GNG7: variants seen among roughly 807,000 people sequenced by gnomAD.
The protein encoded by GNG7 is G protein subunit gamma 7.
Under a neutral mutation model 4.0 loss-of-function variants are expected in GNG7, and 1 was observed. The ratio of observed to expected loss-of-function variants is 0.25; its 90% CI spans 0.09 to 1.18. GNG7 has a LOEUF of 1.18. Among genes scored for constraint, GNG7 ranks in the 50% most tolerant of loss-of-function variants. The pLI, the probability that GNG7 is intolerant of heterozygous loss-of-function variation, is 0.50. For synonymous variants in GNG7, 34 were observed against 36.9 expected (o/e 0.92, Z 0.29); for missense variants, 86 against 91.9 (o/e 0.94, Z 0.26).
At chr19:2,556,259 C>T (rs1979539937) in intron 2 of GNG7, among the ~76,000 whole-genome samples, 1 of 152,228 alleles carries the variant, frequency 6.6e-6, no homozygotes, top group African/African-American at 2.4e-5. Flanking sequence ...ACTGTCAGCT[C>T]TAGGGGAGGC....
At chr19:2,632,249 G>A (rs1439907576) in intron 2 of GNG7, 2 of 152,084 alleles carry the variant, frequency 1.3e-5, no homozygotes, top group African/African-American at 4.8e-5. Context: ...GACCAACATG[G>A]TGAAACCCGT....
chr19:2,657,361 A>AATATATATATAT (rs869231931), intron 1 of GNG7, among the ~76,000 whole-genome samples: 30 of 16,050 alleles, frequency 1.9e-3, no homozygotes, highest in South Asian at 5.5e-3. Flanking sequence ...AAAAAAAAAA[A>AATATATATATAT]ATATATATAT....
At chr19:2,528,928 C>G (rs1272414052) in intron 3 of GNG7, among the ~76,000 whole-genome samples, 2 of 152,234 alleles carry the variant, frequency 1.3e-5, no homozygotes, top group East Asian at 3.8e-4. Flanking sequence ...GCTGGAAAGA[C>G]AAGGTGGCTG....
chr19:2,562,802 A>G (rs921811621), intron 2 of GNG7, among the ~76,000 whole-genome samples: 2 of 152,118 alleles, frequency 1.3e-5, no homozygotes, highest in South Asian at 2.1e-4. Context: ...GGCTGCACAC[A>G]TTGAAATCCA....
chr19:2,685,952 T>C (rs1416533637), intron 1 of GNG7, among the ~76,000 whole-genome samples: 3 of 152,172 alleles, frequency 2.0e-5, no homozygotes, highest in African/African-American at 7.2e-5. Flanking sequence ...AGCTCTCCTG[T>C]CCCGGCCCAG....
In GNG7 at chr19:2,520,634, T is replaced by G; in HGVS notation, c.55A>C (p.Ile19Leu). 1.3e-6 allele frequency: 2 copies of G among 1,552,074 alleles called. No individual in the cohort carries two copies. Among genetic ancestry groups the G allele is most frequent in the South Asian group, 2.4e-5 (2 of 84,386 alleles). Residue 19 changes from isoleucine to leucine, a missense_variant, in exon 4 of 5, where the codon ATA becomes CTA. Physicochemically the swap from Ile to Leu is conservative, Grantham distance 5. Transcript: ENST00000382159. ...QARKLVEQLR[I>L]EAGIERIKVS... ...TTGATGCGCTCAATCCCGGCTTCTA[T>G]GCGTAGCTGTTCCACCAGCTTCCGG...
At chr19:2,656,731 T>A (rs1199090081) in intron 1 of GNG7, among the ~76,000 whole-genome samples, 1 of 152,100 alleles carries the variant, frequency 6.6e-6, no homozygotes, top group Non-Finnish European at 1.5e-5. Flanking sequence ...TTACATATCA[T>A]CCATGGCTGC....
chr19:2,661,270 A>AAAGAAAGGAAGGAAGGAAGGAAGG (rs1568277669), intron 1 of GNG7, among the ~76,000 whole-genome samples: 2 of 70,928 alleles, frequency 2.8e-5, no homozygotes, highest in Non-Finnish European at 5.2e-5. Context: ...AGAAAGAAAG[A>AAAGAAAGGAAGGAAGGAAGGAAGG]AAAGAAAGAA....
intron 2 of GNG7, among the ~76,000 whole-genome samples, chr19:2,616,595 G>A (rs1285350971): frequency 2.6e-5 from 4 of 152,018 alleles, no homozygotes; most frequent in African/African-American, 9.7e-5. Context: ...TGACCAACAG[G>A]GAGAAACCCC....
intron 3 of GNG7, chr19:2,538,191 G>T (rs921857636): frequency 8.8e-6 from 4 of 456,584 alleles, no homozygotes; most frequent in African/African-American, 6.0e-5. Flanking sequence ...TGACGATGAT[G>T]ACTTTATTGT....
intron 2 of GNG7, among the ~76,000 whole-genome samples, chr19:2,628,491 CTCTT>C (rs1226700119): frequency 3.3e-5 from 5 of 151,816 alleles, no homozygotes; most frequent in Admixed American, 2.6e-4. Context: ...TTCCCTTTCT[CTCTT>C]TCTTTCAACT....
intron 2 of GNG7, among the ~76,000 whole-genome samples, chr19:2,625,564 C>T (rs1037200834): frequency 1.3e-5 from 2 of 152,000 alleles, no homozygotes; most frequent in Non-Finnish European, 2.9e-5. Flanking sequence ...AAGCAGAGAA[C>T]CAAGGTTCTG....
chr19:2,690,140 G>C (rs983116520), intron 1 of GNG7, among the ~76,000 whole-genome samples: 2 of 152,024 alleles, frequency 1.3e-5, no homozygotes, highest in African/African-American at 2.4e-5. Flanking sequence ...CCAGCACTTT[G>C]GGAGGCCGAA....
At chr19:2,654,699 A>G (rs1982919125) in intron 1 of GNG7, among the ~76,000 whole-genome samples, 1 of 90,070 alleles carries the variant, frequency 1.1e-5, no homozygotes, top group Non-Finnish European at 2.5e-5. Flanking sequence ...TGTCTGCCCC[A>G]TTGGGAGCTT....
intron 1 of GNG7, among the ~76,000 whole-genome samples, chr19:2,671,980 G>A (rs1983465082): frequency 6.8e-6 from 1 of 147,502 alleles, no homozygotes; most frequent in East Asian, 2.0e-4. Flanking sequence ...GAACCCGGGA[G>A]GTGGAGCTTG....
In GNG7 at chr19:2,673,084, G is replaced by A. The variant is rs920281518; in HGVS notation, c.-134-26804C>T. 7.3e-5 allele frequency among the ~76,000 whole-genome samples: 11 copies of A among 151,088 alleles called. No individual in the cohort carries two copies. The East Asian group carries it at 1.2e-3, about 17-fold the overall frequency. ...ATCCTGGCTAACACGGTGAAACCCCGTCTCTACTAAACAATACAAAAAATT... is the reference window on the plus strand; with the variant it reads ...ATCCTGGCTAACACGGTGAAACCCCATCTCTACTAAACAATACAAAAAATT... On this transcript the variant is annotated intron_variant, in intron 1 of 4. Coordinates refer to ENST00000382159, the MANE Select transcript of GNG7 (RefSeq NM_052847.3).
At chr19:2,677,842 G>A (rs1447070309) in intron 1 of GNG7, among the ~76,000 whole-genome samples, 1 of 152,144 alleles carries the variant, frequency 6.6e-6, no homozygotes, top group Non-Finnish European at 1.5e-5. Flanking sequence ...GGAGGCCAGG[G>A]ACGCTGCTCA....
rs964769059 is a variant in GNG7, at chr19:2,557,021, A to G, written c.-77-1833T>C. Among the ~76,000 whole-genome samples the G allele has an allele frequency of 5.9e-5, 6 of 101,648 alleles. No homozygotes were observed. The highest frequency in any genetic ancestry group is 1.1e-4 in the Non-Finnish European group (5 of 46,932). 66.7% of individuals were successfully genotyped at this position (101,648 alleles called of 152,430 possible). A position where few individuals can be genotyped will look rare whatever the true frequency, so the allele number is the denominator to read the frequency against. On this transcript the variant is annotated intron_variant, in intron 2 of 4. Transcript: ENST00000382159. This position sits in a 1 kb window ranked among gnomAD's most constrained non-coding sequence, Gnocchi z 5.1. ...CCTCCCCTCCCACCTCTACACACAC[A>G]CACGCACACACAGACACACGCACAC...
In GNG7 at chr19:2,573,269, C is replaced by T. The variant is rs568019071; in HGVS notation, c.-77-18081G>A. ...AACTCCCAACCTCAGGTGATCCGCC[C>T]GCCTCAGCCTCCCAAAGTGCTGGGA... is the stretch of plus-strand genomic sequence containing the variant. On this transcript the variant is annotated intron_variant, in intron 2 of 4. Coordinates refer to ENST00000382159, the MANE Select transcript of GNG7 (RefSeq NM_052847.3). Among the ~76,000 whole-genome samples the T allele has an allele frequency of 9.9e-5, 15 of 151,790 alleles. No homozygotes were observed. In the East Asian group the frequency reaches 2.4e-3, roughly 24 times the overall value.
Sources: gnomAD v4.1 joint callset for allele counts (sites outside exome capture counted in the v4.1 genomes callset) on GRCh38, gnomAD v4.1.1 for gene constraint, Gnocchi (gnomAD v3.1) non-coding constraint, MANE v1.5 for transcripts, NCBI Gene and HGNC (gene_info 2026-07-23, HGNC 2026-07-21) for gene names.